The following SH3BP1 variants were observed in gnomAD, a reference collection of about 807,000 sequenced individuals.
SH3BP1 encodes the protein SH3 domain-binding protein 1.
A neutral mutation model predicts 69.8 loss-of-function variants in SH3BP1; 46 were observed. The observed-to-expected ratio is 0.66, with a 90% CI of 0.52 to 0.84. The LOEUF is 0.84. Among genes scored for constraint, SH3BP1 ranks in the 40% least tolerant of loss-of-function variants. The pLI is 0.00. For missense variants in SH3BP1, 868 were observed against 930.9 expected (o/e 0.93, Z 0.88); for synonymous variants, 403 against 378.0 (o/e 1.07, Z -0.77).
At chr22:37,655,054 G>A (rs1234162932) in intron 17 of SH3BP1, among the ~76,000 whole-genome samples, 1 of 152,164 alleles carries the variant, frequency 6.6e-6, no homozygotes, top group African/African-American at 2.4e-5. Flanking sequence ...AGCTGGGGTG[G>A]GGCATGGGGT....
intron 1 of SH3BP1, 63 bp downstream of exon 1, chr22:37,639,909 GTC>G: frequency 7.9e-7 from 1 of 1,272,096 alleles, no homozygotes; most frequent in Non-Finnish European, 1.1e-6. Flanking sequence ...TCGTAAAAGG[GTC>G]GGGGGAGACG....
At chr22:37,654,005 TG>T in intron 17 of SH3BP1, 132 bp downstream of exon 17, 2 of 662,760 alleles carry the variant, frequency 3.0e-6, no homozygotes, top group Non-Finnish European at 5.3e-6. Flanking sequence ...GCCCAGGTCT[TG>T]CCACCTGGCA....
At position 37,641,168 on chromosome 22, in the gene SH3BP1, G is replaced by C; in HGVS notation, c.102G>C (p.Gln34His). ...TAEFLGEDLLQVEQRLEPAKR... is the reference protein window; with the variant it reads ...TAEFLGEDLLHVEQRLEPAKR... Reference sequence around the variant, plus strand: ...AGTTCCTGGGTGAGGACCTGCTGCAGGTACGTGCCTGGGCCGGGCAGGTGG... The same window carrying C: ...AGTTCCTGGGTGAGGACCTGCTGCACGTACGTGCCTGGGCCGGGCAGGTGG... Residue 34 changes from glutamine to histidine, a missense_variant and splice_region_variant, in exon 2 of 18, where the codon CAG (glutamine) becomes CAC (histidine). Around this residue, in one of 3 missense-constraint regions of SH3BP1, gnomAD observed 387 missense variants for 447.9 expected, o/e 0.86. Coordinates refer to ENST00000649765, the MANE Select transcript of SH3BP1 (RefSeq NM_018957.6). 2 of 1,548,950 alleles carry C rather than the reference G, an allele frequency of 1.3e-6. No individual in the cohort carries two copies. The highest frequency in any genetic ancestry group is 1.7e-6 in the Non-Finnish European group (2 of 1,146,408).
chr22:37,644,356 G>A (rs1339304177), intron 7 of SH3BP1, among the ~76,000 whole-genome samples: 1 of 152,236 alleles, frequency 6.6e-6, no homozygotes, highest in Non-Finnish European at 1.5e-5. Flanking sequence ...TCCAGCCCGG[G>A]CAACAGTGTG....
Position 37,641,117 on chromosome 22 carries a change from TC to T in SH3BP1, c.60-5del. On this transcript the variant is annotated splice_polypyrimidine_tract_variant and splice_region_variant and intron_variant, in intron 1 of 17. Coordinates refer to ENST00000649765, the MANE Select transcript of SH3BP1 (RefSeq NM_018957.6). ...GCACTCTCCCCCCCCCCCCCACCAC[TC>T]CCCGCAGCACCCCGGAGACCGCTGA... 1.3e-6 allele frequency: 1 copy of T among 761,858 alleles called. No homozygotes were observed. The allele number at this position is 761,858 out of a possible 1,614,324, so 47.2% of individuals were successfully genotyped here.
intron 1 of SH3BP1, 113 bp from the exon 2 acceptor site, chr22:37,641,012 AG>A: frequency 1.3e-6 from 1 of 747,482 alleles, no homozygotes; most frequent in South Asian, 1.6e-5. Flanking sequence ...TGGGAGGGAC[AG>A]TGGAAGCACT....
intron 11 of SH3BP1, 147 bp from the exon 12 acceptor site, chr22:37,647,120 C>A (rs531492559): frequency 4.9e-6 from 4 of 817,106 alleles, no homozygotes; most frequent in African/African-American, 3.4e-5. Flanking sequence ...AGATGGCTAG[C>A]CTTCATTTTC....
chr22:37,651,009 T>C (rs1485087312), intron 16 of SH3BP1, among the ~76,000 whole-genome samples: 2 of 152,148 alleles, frequency 1.3e-5, no homozygotes, highest in Non-Finnish European at 2.9e-5. Flanking sequence ...ATGATCATTT[T>C]GGAATCTATA....
intron 6 of SH3BP1, 139 bp downstream of exon 6, chr22:37,643,313 C>A: frequency 1.3e-6 from 1 of 774,028 alleles, no homozygotes; most frequent in Non-Finnish European, 2.1e-6. Context: ...CACGCCTGGT[C>A]CCTAGGAGCA....
At chr22:37,649,907 G>C (rs1932845976) in intron 14 of SH3BP1, 4 of 607,760 alleles carry the variant, frequency 6.6e-6, no homozygotes, top group Non-Finnish European at 1.2e-5. Context: ...TTGCTTGGTA[G>C]AGGCTGTCCA....
intron 17 of SH3BP1, among the ~76,000 whole-genome samples, chr22:37,654,323 C>A (rs1020175605): frequency 6.6e-6 from 1 of 152,154 alleles, no homozygotes; most frequent in Non-Finnish European, 1.5e-5. Flanking sequence ...GTAAACCCAG[C>A]ACTTTGGGAG....
At position 37,641,445 on chromosome 22, in the gene SH3BP1, G is replaced by C; in HGVS notation, c.174G>C (p.Gln58His). The change falls in exon 3 of 18, where the codon CAG becomes CAC. Residue 58 changes from glutamine (Q) to histidine (H), a missense_variant. Gln to His is a conservative substitution (Grantham distance 24). Around this residue, in one of 3 missense-constraint regions of SH3BP1, gnomAD observed 387 missense variants for 447.9 expected, o/e 0.86. Transcript: ENST00000649765. ...ACAAGCGGCTGCAGGCCTGTCTGCAGGGCCAGAGCGGGGCAGACATGGACA... is the reference window on the plus strand; with the variant it reads ...ACAAGCGGCTGCAGGCCTGTCTGCACGGCCAGAGCGGGGCAGACATGGACA... Reference protein sequence around the residue: ...NIHKRLQACLQGQSGADMDKR... With the variant: ...NIHKRLQACLHGQSGADMDKR... The C allele has an allele frequency of 6.4e-7, 1 of 1,551,182 alleles. No individual in the cohort carries two copies. Among genetic ancestry groups the C allele is most frequent in the Non-Finnish European group, 8.7e-7 (1 of 1,147,148 alleles).
chr22:37,645,240 T>G (rs954585568), intron 9 of SH3BP1, 125 bp from the exon 10 acceptor site: 36 of 1,266,484 alleles, frequency 2.8e-5, no homozygotes, highest in Middle Eastern at 2.2e-4. Flanking sequence ...GACGGATGAT[T>G]TCAGATGTGT....
In SH3BP1 at chr22:37,642,581, A is replaced by G. The variant is rs1343171447; in HGVS notation, c.250A>G (p.Ser84Gly). The change falls in exon 4 of 18, where the codon AGC (serine) becomes GGC (glycine). Residue 84 changes from serine to glycine, a missense_variant. By Grantham distance (56) the Ser-to-Gly change is moderately conservative. This residue lies in a region of SH3BP1 where 387 missense variants were observed against 447.9 expected (regional missense o/e 0.86). Coordinates refer to ENST00000649765, the MANE Select transcript of SH3BP1 (RefSeq NM_018957.6). ...GGCTCTGTCCACCACGATGGCTGAG[A>G]GCTTCAAGGAGCTGGACCCTGATTC... ...LMALSTTMAE[S>G]FKELDPDSSM... The G allele has an allele frequency of 1.2e-6, 2 of 1,613,194 alleles. No individual in the cohort carries two copies. The highest frequency in any genetic ancestry group is 1.7e-6 in the Non-Finnish European group (2 of 1,179,988).
Position 37,655,416 on chromosome 22 carries a change from G to A in SH3BP1, c.1838G>A (p.Ser613Asn). Reference protein sequence around the residue: ...QALPRRLVGSSLRAPTVPPPL... With the variant: ...QALPRRLVGSNLRAPTVPPPL... ...CTGCCCCGACGTCTGGTTGGCAGCA[G>A]CCTCCGAGCCCCCACAGTGCCACCC... Residue 613 changes from serine (S) to asparagine (N), a missense_variant, in exon 18 of 18, where the codon AGC becomes AAC. Ser to Asn is a conservative substitution (Grantham distance 46). This residue lies in a region of SH3BP1 where 474 missense variants were observed against 462.3 expected (regional missense o/e 1.03). Transcript: ENST00000649765. The A allele has an allele frequency of 7.0e-7, 1 of 1,423,214 alleles. No homozygotes were observed. The highest frequency in any genetic ancestry group is 9.3e-7 in the Non-Finnish European group (1 of 1,070,908). The allele number at this position is 1,423,214 out of a possible 1,614,324, so 88.2% of individuals were successfully genotyped here.
In SH3BP1 at chr22:37,645,425, C is replaced by A. The variant is rs752281628; in HGVS notation, c.839C>A (p.Thr280Asn). The A allele has an allele frequency of 3.1e-6, 5 of 1,613,804 alleles. No homozygotes were observed. The highest frequency in any genetic ancestry group is 4.2e-6 in the Non-Finnish European group (5 of 1,179,886). ...FPRVYGVSLA[T>N]HLQELGREIA... ...AGGGTGTATGGGGTGTCGCTGGCAA[C>A]CCACCTGCAAGAGCTGGGCCGGGAG... Residue 280 changes from threonine (T) to asparagine (N), a missense_variant, in exon 10 of 18, where the codon ACC becomes AAC. Coordinates refer to ENST00000649765, the MANE Select transcript of SH3BP1 (RefSeq NM_018957.6).
chr22:37,652,101 G>A (rs57248027), intron 16 of SH3BP1, among the ~76,000 whole-genome samples: 3,081 of 151,072 alleles, frequency 0.02, 102 homozygotes, highest in African/African-American at 0.069. Context: ...CGAGGCAGGC[G>A]AGATCGAGAC....
At position 37,639,858 on chromosome 22, in the gene SH3BP1, C is replaced by T. The variant is rs1371122272; in HGVS notation, c.59+12C>T. 6.4e-7 allele frequency: 1 copy of T among 1,559,958 alleles called. No homozygotes were observed. Among genetic ancestry groups the T allele is most frequent in the South Asian group, 1.2e-5 (1 of 84,464 alleles). The stretch of plus-strand genomic sequence containing the variant: ...GGCAGCTTGGGACGGTGAGTGTCAC[C>T]CGCTTCCAGCCCCACTCTTACCCCG... On this transcript the variant is annotated intron_variant, in intron 1 of 17. Coordinates refer to ENST00000649765, the MANE Select transcript of SH3BP1 (RefSeq NM_018957.6).
chr22:37,644,528 A>G (rs1450279715), intron 7 of SH3BP1, 109 bp from the exon 8 acceptor site: 2 of 1,055,890 alleles, frequency 1.9e-6, no homozygotes, highest in Non-Finnish European at 2.9e-6. Flanking sequence ...GGGACCTTCC[A>G]CCTGCAGTTG....
Sources: gnomAD v4.1 joint callset for allele counts (sites outside exome capture counted in the v4.1 genomes callset) on GRCh38, gnomAD v4.1.1 for gene constraint, gnomAD v4.1.1 regional missense constraint, MANE v1.5 for transcripts, NCBI Gene and HGNC (gene_info 2026-07-23, HGNC 2026-07-21) for gene names.